Variants in ABCB5 observed in about 807,000 individuals in gnomAD.
ABCB5 encodes ATP binding cassette subfamily B member 5.
A neutral mutation model predicts 144.2 loss-of-function variants in ABCB5; 155 were observed. The ratio of observed to expected loss-of-function variants is 1.08; its 90% CI spans 0.94 to 1.23. ABCB5 has a LOEUF of 1.23. Ranked by LOEUF, ABCB5 falls within the 50% of genes most tolerant of loss-of-function variation. The probability of loss-of-function intolerance (pLI) is 0.00; values close to 1 mark genes in which losing one functional copy is unlikely to be tolerated. For synonymous variants in ABCB5, 610 were observed against 528.6 expected (o/e 1.15, Z -2.11); for missense variants, 1,830 against 1,520.8 (o/e 1.20, Z -3.38).
intron 20 of ABCB5, among the ~76,000 whole-genome samples, chr7:20,721,722 AT>A (rs1313692056): frequency 1.3e-5 from 2 of 152,246 alleles, no homozygotes; most frequent in African/African-American, 4.8e-5. Flanking sequence ...TGTACAAAAA[AT>A]ATACAAAAAT....
chr7:20,746,395 G>A (rs1272209061), intron 26 of ABCB5, among the ~76,000 whole-genome samples: 1 of 152,196 alleles, frequency 6.6e-6, no homozygotes, highest in Non-Finnish European at 1.5e-5. Context: ...ATCGCGCCCG[G>A]CAAGTAGCAC....
Position 20,719,245 on chromosome 7 carries a change from A to T in ABCB5, c.2422-3771A>T, listed in dbSNP as rs72581839. ...TAAATAGGGGCCCTCATTTTTTTTT[A>T]ATCCCAGCACTAAAGAACTTTATGT... On this transcript the variant is annotated intron_variant, in intron 20 of 27. Coordinates refer to ENST00000404938, the MANE Select transcript of ABCB5 (RefSeq NM_001163941.2). Among the ~76,000 whole-genome samples the T allele has an allele frequency of 2.7e-3, 412 of 152,074 alleles. 20 individuals are homozygous for T. The East Asian group carries it at 0.064, about 24-fold the overall frequency.
intron 23 of ABCB5, among the ~76,000 whole-genome samples, chr7:20,738,064 A>G (rs531088441): frequency 1.3e-5 from 2 of 152,340 alleles, no homozygotes; most frequent in Non-Finnish European, 2.9e-5. Context: ...GAAATTCACA[A>G]GGAGCCCAGA....
At chr7:20,736,267 G>A (rs548356297) in intron 23 of ABCB5, among the ~76,000 whole-genome samples, 1 of 152,124 alleles carries the variant, frequency 6.6e-6, no homozygotes, top group Non-Finnish European at 1.5e-5. Flanking sequence ...CACCAGGCTG[G>A]AGTGCAGTGA....
chr7:20,707,274 T>C (rs2128045096), intron 20 of ABCB5, among the ~76,000 whole-genome samples: 1 of 152,352 alleles, frequency 6.6e-6, no homozygotes, highest in African/African-American at 2.4e-5. Context: ...AAGGTATTCC[T>C]CTGGCCATTT....
intron 23 of ABCB5, among the ~76,000 whole-genome samples, chr7:20,734,079 C>T (rs1418747913): frequency 1.3e-5 from 2 of 152,130 alleles, no homozygotes; most frequent in Non-Finnish European, 2.9e-5. Flanking sequence ...CAACATAGCA[C>T]TATGCATAAT....
chr7:20,681,008 TTCTTTCTTTCTTTCTTTCTTTCTTTC>T lies in ABCB5; in HGVS notation c.1708-481_1708-456del, dbSNP rs1562558890. The stretch of plus-strand genomic sequence containing the variant: ...TTTCTTTCTTTCTTTCTTTCTTTCT[TTCTTTCTTTCTTTCTTTCTTTCTTTC>T]TCTTTCTTTCTTTCTCTCTCTCTCT... On this transcript the variant is annotated intron_variant, in intron 14 of 27. Transcript: ENST00000404938. Among the ~76,000 whole-genome samples, 26 of 5,588 alleles carry T rather than the reference TTCTTTCTTTCTTTCTTTCTTTCTTTC, an allele frequency of 4.7e-3. 1 individual carries two copies. Among genetic ancestry groups the T allele is most frequent in the East Asian group, 0.1 (2 of 20 alleles). 3.7% of individuals were successfully genotyped at this position (5,588 alleles called of 152,430 possible). A position where few individuals can be genotyped will look rare whatever the true frequency, so the allele number is the denominator to read the frequency against.
chr7:20,667,660 C>T (rs1785243178), intron 14 of ABCB5: 1 of 672,298 alleles, frequency 1.5e-6, no homozygotes, highest in Non-Finnish European at 1.8e-6. Context: ...TGGAAAATAA[C>T]ATTCGCCTCT....
chr7:20,695,848 A>G (rs1786394224), intron 16 of ABCB5, among the ~76,000 whole-genome samples: 1 of 151,194 alleles, frequency 6.6e-6, no homozygotes, highest in African/African-American at 2.4e-5. Context: ...CAGAAATGCA[A>G]AAAAAAAATC....
intron 23 of ABCB5, among the ~76,000 whole-genome samples, chr7:20,738,419 GTTC>G (rs1782457459): frequency 2.6e-5 from 4 of 152,102 alleles, no homozygotes; most frequent in Non-Finnish European, 4.4e-5. Context: ...AAAGATCAAA[GTTC>G]TTCTTTCAGT....
At chr7:20,751,107 A>G (rs1782912852) in intron 26 of ABCB5, among the ~76,000 whole-genome samples, 1 of 152,192 alleles carries the variant, frequency 6.6e-6, no homozygotes, top group Admixed American at 6.5e-5. Flanking sequence ...CCTCTGGGAC[A>G]CAACTGACTT....
chr7:20,731,402 G>A (rs935591533), intron 23 of ABCB5, among the ~76,000 whole-genome samples: 4 of 148,620 alleles, frequency 2.7e-5, no homozygotes, highest in Admixed American at 2.0e-4. Flanking sequence ...AAAATTTACT[G>A]GATCCTGTTT....
At chr7:20,649,943 T>C (rs957022471) in intron 11 of ABCB5, 79 bp from the exon 12 acceptor site, 17 of 1,469,290 alleles carry the variant, frequency 1.2e-5, no homozygotes, top group African/African-American at 1.4e-5. Context: ...TTGGTTATAA[T>C]TATGTACTCA....
intron 14 of ABCB5, among the ~76,000 whole-genome samples, chr7:20,664,242 T>G (rs999811940): frequency 2.6e-5 from 4 of 152,170 alleles, no homozygotes; most frequent in African/African-American, 4.8e-5. Flanking sequence ...CAACTAGCCT[T>G]TTTTGGAAAA....
At position 20,739,120 on chromosome 7, in the gene ABCB5, G is replaced by C. The variant is rs1237255492; in HGVS notation, c.3005G>C (p.Ser1002Thr). 1 of 1,604,332 alleles carries C rather than the reference G, an allele frequency of 6.2e-7. No homozygotes were observed. Among genetic ancestry groups the C allele is most frequent in the South Asian group, 1.1e-5 (1 of 89,524 alleles). Residue 1002 changes from serine (S) to threonine (T), a missense_variant, in exon 24 of 28, where the codon AGT becomes ACT. Physicochemically the swap from Ser to Thr is moderately conservative, Grantham distance 58 (BLOSUM62 1). Coordinates refer to ENST00000404938, the MANE Select transcript of ABCB5 (RefSeq NM_001163941.2). ...AAGAAACCAAATATAGACAGCCGCA[G>C]TCAAGAAGGGAAAAAGCCAGTAAGC... is the stretch of plus-strand genomic sequence containing the variant. ...LEKKPNIDSR[S>T]QEGKKPDTCE... is the part of the protein sequence containing the mutation.
chr7:20,721,727 C>CA (rs1781874735), intron 20 of ABCB5, among the ~76,000 whole-genome samples: 1 of 152,134 alleles, frequency 6.6e-6, no homozygotes. Context: ...AAAAAATATA[C>CA]AAAAATCTCA....
At chr7:20,725,742 T>G (rs532660531) in intron 21 of ABCB5, among the ~76,000 whole-genome samples, 1 of 152,176 alleles carries the variant, frequency 6.6e-6, no homozygotes, top group African/African-American at 2.4e-5. Flanking sequence ...TTCCTCAAAA[T>G]TTTTTTATAT....
At chr7:20,675,256 A>G (rs945456258) in intron 14 of ABCB5, among the ~76,000 whole-genome samples, 5 of 152,122 alleles carry the variant, frequency 3.3e-5, no homozygotes, top group Non-Finnish European at 7.4e-5. Flanking sequence ...TTACAAAGTT[A>G]TAGTAATTAA....
chr7:20,713,218 C>T (rs1224273359), intron 20 of ABCB5, among the ~76,000 whole-genome samples: 2 of 148,596 alleles, frequency 1.3e-5, no homozygotes, highest in Non-Finnish European at 3.0e-5. Flanking sequence ...TCTTATTTTG[C>T]CACTTTGCAT....
Sources: gnomAD v4.1 joint callset for allele counts (sites outside exome capture counted in the v4.1 genomes callset) on GRCh38, gnomAD v4.1.1 for gene constraint, MANE v1.5 for transcripts, NCBI Gene and HGNC (gene_info 2026-07-23, HGNC 2026-07-21) for gene names.